Variants in HTRA3 observed in about 807,000 individuals in gnomAD.
The protein encoded by HTRA3 is serine protease HTRA3.
In HTRA3, 41 loss-of-function variants were observed where a neutral mutation model predicts 43.2. That is an observed-to-expected ratio of 0.95 (90% CI 0.74 to 1.23). The LOEUF (loss-of-function observed/expected upper bound fraction) is 1.23, where lower values mean the gene tolerates loss of function less well. HTRA3 is among the 50% of genes most tolerant of loss of function. The pLI, the probability that HTRA3 is intolerant of heterozygous loss-of-function variation, is 0.00. For missense variants in HTRA3, 628 were observed against 647.1 expected (o/e 0.97, Z 0.32); for synonymous variants, 295 against 287.9 (o/e 1.02, Z -0.25).
chr4:8,289,318 C>G (rs574756295), intron 3 of HTRA3, among the ~76,000 whole-genome samples: 14 of 152,342 alleles, frequency 9.2e-5, no homozygotes, highest in African/African-American at 2.9e-4. Flanking sequence ...CTGTCACAAC[C>G]ACGCATCTCT....
intron 6 of HTRA3, among the ~76,000 whole-genome samples, chr4:8,301,039 A>AGCTTTATTATCGATT (rs1713630447): frequency 1.2e-5 from 1 of 81,698 alleles, no homozygotes; most frequent in Admixed American, 1.7e-4. Flanking sequence ...TTATTGATTC[A>AGCTTTATTATCGATT]CACTCTCAGC....
chr4:8,295,580 A>C lies in HTRA3; in HGVS notation c.1051+1379A>C. The C allele has an allele frequency of 1.5e-6, 1 of 671,212 alleles. No individual in the cohort carries two copies. The highest frequency in any genetic ancestry group is 2.2e-6 in the Non-Finnish European group (1 of 460,874). 41.6% of individuals were successfully genotyped at this position (671,212 alleles called of 1,614,324 possible). A position where few individuals can be genotyped will look rare whatever the true frequency, so the allele number is the denominator to read the frequency against. On this transcript the variant is annotated intron_variant, in intron 6 of 8. Transcript: ENST00000307358. This position sits in a 1 kb window ranked among gnomAD's most constrained non-coding sequence, Gnocchi z 6.9. ...GCCTCTCCCTCCCCACCTTCTCTTC[A>C]GCCCTAGTGAGCTTCTCCCTCCTGC...
chr4:8,304,650 T>TTG (rs1560144658), intron 8 of HTRA3, among the ~76,000 whole-genome samples: 18 of 72,776 alleles, frequency 2.5e-4, no homozygotes, highest in African/African-American at 7.5e-4. Flanking sequence ...ATTGTTTTTT[T>TTG]TTTTTTTTTT....
rs1181941490 is a variant in HTRA3, at chr4:8,303,834, C to T, written c.1101-350C>T. On this transcript the variant is annotated intron_variant, in intron 7 of 8. Transcript: ENST00000307358. Reference sequence around the variant, plus strand: ...GTGACTCAGCATTGTCTGTCCATTCCATGACTCAGCATTGCCTGTCTGTCC... The same window carrying T: ...GTGACTCAGCATTGTCTGTCCATTCTATGACTCAGCATTGCCTGTCTGTCC... Among the ~76,000 whole-genome samples, 4 of 149,996 alleles carry T rather than the reference C, an allele frequency of 2.7e-5. No homozygotes were observed. In the Admixed American group the frequency reaches 2.7e-4, roughly 10 times the overall value.
At chr4:8,304,387 G>A (rs1713761943) in intron 8 of HTRA3, 108 bp downstream of exon 8, 10 of 812,420 alleles carry the variant, frequency 1.2e-5, no homozygotes, top group East Asian at 5.1e-5. Flanking sequence ...CAAAGTGACC[G>A]GGAAGGGGCA....
chr4:8,271,796 CT>C (rs1414432156), intron 1 of HTRA3, among the ~76,000 whole-genome samples: 2 of 152,182 alleles, frequency 1.3e-5, no homozygotes, highest in Admixed American at 1.3e-4. Flanking sequence ...AGGAGGAACC[CT>C]TGTGACCTCA....
At chr4:8,278,957 ACTTCTCTCC>A (rs1712635709) in intron 1 of HTRA3, among the ~76,000 whole-genome samples, 1 of 151,692 alleles carries the variant, frequency 6.6e-6, no homozygotes, top group African/African-American at 2.4e-5. Flanking sequence ...GCCCCCTTGA[ACTTCTCTCC>A]CTTCTCTCTA....
chr4:8,278,492 C>A (rs1476786058), intron 1 of HTRA3, among the ~76,000 whole-genome samples: 1 of 151,980 alleles, frequency 6.6e-6, no homozygotes, highest in Non-Finnish European at 1.5e-5. Flanking sequence ...TTGTCAAAAA[C>A]CCCCAAATAA....
At position 8,291,624 on chromosome 4, in the gene HTRA3, G is replaced by A. The variant is rs564921126; in HGVS notation, c.903+60G>A. 3.0e-5 allele frequency: 40 copies of A among 1,336,820 alleles called. No individual in the cohort carries two copies. In the South Asian group the frequency reaches 4.7e-4, roughly 16 times the overall value. The allele number at this position is 1,336,820 out of a possible 1,614,324, so 82.8% of individuals were successfully genotyped here. ...CATCTGTGCCCAAGACCTCAACCTC[G>A]AGGTGGTCTCTGACTCGGCTTGCCC... On this transcript the variant is annotated intron_variant, in intron 4 of 8. Coordinates refer to ENST00000307358, the MANE Select transcript of HTRA3 (RefSeq NM_053044.5).
At chr4:8,305,867 T>A (rs1163422828) in intron 8 of HTRA3, 104 bp from the exon 9 acceptor site, 5 of 1,292,526 alleles carry the variant, frequency 3.9e-6, no homozygotes, top group Non-Finnish European at 5.5e-6. Context: ...TGACTTTTGT[T>A]GAAATGTTGT....
Position 8,305,048 on chromosome 4 carries a change from C to T in HTRA3, c.1196+769C>T, listed in dbSNP as rs551999819. On this transcript the variant is annotated intron_variant, in intron 8 of 8. Coordinates refer to ENST00000307358, the MANE Select transcript of HTRA3 (RefSeq NM_053044.5). ...ACCATAGGCTGAGGCAGGCGTGCAGCGACACTACCACATGCTGGCATGGCT... is the reference window on the plus strand; with the variant it reads ...ACCATAGGCTGAGGCAGGCGTGCAGTGACACTACCACATGCTGGCATGGCT... Among the ~76,000 whole-genome samples, 15 of 152,294 alleles carry T rather than the reference C, an allele frequency of 9.8e-5. No homozygotes were observed. In the East Asian group the frequency reaches 2.7e-3, roughly 27 times the overall value.
At chr4:8,304,070 G>C in intron 7 of HTRA3, 114 bp from the exon 8 acceptor site, 1 of 730,676 alleles carries the variant, frequency 1.4e-6, no homozygotes, top group South Asian at 1.7e-5. Context: ...GCAGTATGGG[G>C]GCCCAGAGGT....
intron 6 of HTRA3, among the ~76,000 whole-genome samples, chr4:8,298,797 T>A (rs1713542749): frequency 6.6e-6 from 1 of 152,228 alleles, no homozygotes; most frequent in African/African-American, 2.4e-5. Context: ...CGCACCGTTG[T>A]CCAAAAGAGA....
rs1196445295 is a variant in HTRA3, at chr4:8,304,203, G to T, written c.1120G>T (p.Ala374Ser). 1.9e-6 allele frequency: 3 copies of T among 1,614,018 alleles called. No homozygotes were observed. Among genetic ancestry groups the T allele is most frequent in the East Asian group, 4.5e-5 (2 of 44,908 alleles). ...TTCCAGCCTGGTGGATGAGCTGAAG[G>T]CCAGCAACCCGGACTTCCCAGAGGT... ...ITPSLVDELK[A>S]SNPDFPEVSS... Residue 374 changes from alanine to serine, a missense_variant, in exon 8 of 9, where the codon GCC (alanine) becomes TCC (serine). Coordinates refer to ENST00000307358, the MANE Select transcript of HTRA3 (RefSeq NM_053044.5).
chr4:8,290,182 C>T (rs1016192950), intron 3 of HTRA3, among the ~76,000 whole-genome samples: 7 of 152,260 alleles, frequency 4.6e-5, no homozygotes, highest in African/African-American at 7.2e-5. Flanking sequence ...AATAGAGGAG[C>T]GGCCTGAGTC....
intron 1 of HTRA3, among the ~76,000 whole-genome samples, chr4:8,271,488 C>A (rs1046898527): frequency 9.2e-5 from 14 of 152,154 alleles, no homozygotes; most frequent in Admixed American, 9.2e-4. Context: ...AAGCATCATT[C>A]GAGATTAGCT....
intron 3 of HTRA3, among the ~76,000 whole-genome samples, chr4:8,289,723 C>G (rs539375783): frequency 3.9e-5 from 6 of 152,330 alleles, no homozygotes; most frequent in Admixed American, 1.3e-4. Context: ...GGCTCCTGAC[C>G]CTCACCTGTG....
Position 8,294,157 on chromosome 4 carries a change from G to T in HTRA3, c.1007G>T (p.Arg336Leu). 1 of 1,612,186 alleles carries T rather than the reference G, an allele frequency of 6.2e-7. No homozygotes were observed. The highest frequency in any genetic ancestry group is 8.5e-7 in the Non-Finnish European group (1 of 1,179,180). ...AGISFAIPSD[R>L]ITRFLTEFQD... Reference sequence around the variant, plus strand: ...ATCTCCTTTGCCATCCCCTCAGACCGCATCACACGGTTCCTCACAGAGTTC... The same window carrying T: ...ATCTCCTTTGCCATCCCCTCAGACCTCATCACACGGTTCCTCACAGAGTTC... Residue 336 changes from arginine to leucine, a missense_variant, in exon 6 of 9, where the codon CGC becomes CTC. Arg to Leu is a moderately radical substitution (Grantham distance 102). Coordinates refer to ENST00000307358, the MANE Select transcript of HTRA3 (RefSeq NM_053044.5).
rs759824105 is a variant in HTRA3, at chr4:8,286,125, GTGT to G, written c.486-429_486-427del. On this transcript the variant is annotated intron_variant, in intron 2 of 8. Coordinates refer to ENST00000307358, the MANE Select transcript of HTRA3 (RefSeq NM_053044.5). The surrounding 1 kb of genome is among the most constrained non-coding windows in gnomAD (Gnocchi z 4.9). ...CAGGCATCACCACTCGGCGGAGGAGGTGTTGTTGTCCCATTTCCCAAATGGGGA... is the reference window on the plus strand; with the variant it reads ...CAGGCATCACCACTCGGCGGAGGAGGTGTTGTCCCATTTCCCAAATGGGGA... Among the ~76,000 whole-genome samples, 4 of 152,212 alleles carry G rather than the reference GTGT, an allele frequency of 2.6e-5. No homozygotes were observed. The highest frequency in any genetic ancestry group is 6.5e-5 in the Admixed American group (1 of 15,284).
Sources: allele counts gnomAD v4.1 joint callset (sites outside exome capture counted in the v4.1 genomes callset), GRCh38; gene constraint gnomAD v4.1.1; non-coding constraint Gnocchi (gnomAD v3.1); transcripts MANE v1.5; gene names NCBI Gene and HGNC (gene_info 2026-07-23, HGNC 2026-07-21).